Variants in RSRC1 observed in about 807,000 individuals in gnomAD.
The protein encoded by RSRC1 is arginine and serine rich coiled-coil 1.
In RSRC1, 39 loss-of-function variants were observed where a neutral mutation model predicts 49.1. That is an observed-to-expected ratio of 0.79 (90% CI 0.61 to 1.04). The LOEUF is 1.04. RSRC1 is among the 50% of genes least tolerant of loss of function. The probability of loss-of-function intolerance (pLI) is 0.00; values close to 1 mark genes in which losing one functional copy is unlikely to be tolerated. For missense variants in RSRC1, 388 were observed against 402.4 expected, an observed-to-expected ratio of 0.96 and a Z score of 0.31; for synonymous variants, 143 against 130.8, an observed-to-expected ratio of 1.09 and a Z score of -0.63.
At chr3:158,412,153 T>C (rs955936281) in intron 6 of RSRC1, among the ~76,000 whole-genome samples, 1 of 152,196 alleles carries the variant, frequency 6.6e-6, no homozygotes, top group Non-Finnish European at 1.5e-5. Context: ...TTTTTCTTTT[T>C]TTATTTTTCT....
At chr3:158,149,350 T>C (rs569508548) in intron 3 of RSRC1, among the ~76,000 whole-genome samples, 4 of 152,158 alleles carry the variant, frequency 2.6e-5, no homozygotes, top group Non-Finnish European at 5.9e-5. Context: ...ATAATTCTTA[T>C]ATGGGATGAG....
At chr3:158,328,550 G>T (rs965474287) in intron 5 of RSRC1, among the ~76,000 whole-genome samples, 1 of 152,158 alleles carries the variant, frequency 6.6e-6, no homozygotes, top group Admixed American at 6.5e-5. Context: ...TAAGAATGTT[G>T]TATATTGGCC....
chr3:158,237,220 C>A (rs552510272), intron 4 of RSRC1, among the ~76,000 whole-genome samples: 1 of 152,170 alleles, frequency 6.6e-6, no homozygotes, highest in South Asian at 2.1e-4. Flanking sequence ...CAAGTCTTTG[C>A]GGAGAGATGT....
chr3:158,297,529 G>A (rs1347598818), intron 4 of RSRC1, among the ~76,000 whole-genome samples: 1 of 151,870 alleles, frequency 6.6e-6, no homozygotes, highest in East Asian at 1.9e-4. Context: ...ATAAGATTTA[G>A]TTATTTAGCT....
At chr3:158,213,503 T>A (rs1578203626) in intron 4 of RSRC1, among the ~76,000 whole-genome samples, 1 of 151,756 alleles carries the variant, frequency 6.6e-6, no homozygotes, top group East Asian at 2.0e-4. Flanking sequence ...CTTGTGGGTA[T>A]AAACCCAAAG....
intron 6 of RSRC1, among the ~76,000 whole-genome samples, chr3:158,445,128 A>G (rs1356302616): frequency 1.3e-5 from 2 of 152,198 alleles, no homozygotes; most frequent in Non-Finnish European, 1.5e-5. Context: ...TAGAAATACC[A>G]TTTGACCCAG....
intron 3 of RSRC1, among the ~76,000 whole-genome samples, chr3:158,135,395 G>A (rs534084855): frequency 1.5e-3 from 221 of 150,684 alleles, no homozygotes; most frequent in African/African-American, 5.2e-3. Context: ...TCAGCCTCCC[G>A]AGTAGCTGGG....
At chr3:158,387,485 A>G (rs1241349440) in intron 6 of RSRC1, among the ~76,000 whole-genome samples, 2 of 152,164 alleles carry the variant, frequency 1.3e-5, no homozygotes, top group Admixed American at 6.5e-5. Flanking sequence ...TTAAATAAAA[A>G]AATTAAGTCA....
chr3:158,197,238 ATG>A (rs985985858), intron 3 of RSRC1, among the ~76,000 whole-genome samples: 32 of 152,234 alleles, frequency 2.1e-4, no homozygotes, highest in African/African-American at 7.7e-4. Flanking sequence ...GGGAGGGTGT[ATG>A]TGTCGAGGAA....
intron 6 of RSRC1, among the ~76,000 whole-genome samples, chr3:158,380,757 C>T (rs1375365518): frequency 6.6e-6 from 1 of 151,896 alleles, no homozygotes; most frequent in Non-Finnish European, 1.5e-5. Flanking sequence ...ATATTTAGTG[C>T]TTATATTTGG....
intron 4 of RSRC1, among the ~76,000 whole-genome samples, chr3:158,238,913 C>T (rs1178577370): frequency 1.3e-5 from 2 of 152,064 alleles, no homozygotes; most frequent in Admixed American, 1.3e-4. Context: ...AAGAAACTAC[C>T]ATCAGAGTCT....
At chr3:158,397,322 A>G (rs1177962057) in intron 6 of RSRC1, among the ~76,000 whole-genome samples, 1 of 152,222 alleles carries the variant, frequency 6.6e-6, no homozygotes, top group Non-Finnish European at 1.5e-5. Flanking sequence ...TCTAGCCATA[A>G]CATAGAGTAT....
intron 2 of RSRC1, among the ~76,000 whole-genome samples, chr3:158,123,430 A>G (rs1486464387): frequency 1.3e-5 from 2 of 152,206 alleles, no homozygotes; most frequent in Non-Finnish European, 2.9e-5. Context: ...AGCTAGTACT[A>G]GAGGCATGTG....
intron 4 of RSRC1, among the ~76,000 whole-genome samples, chr3:158,235,831 A>G (rs1034074221): frequency 1.3e-5 from 2 of 152,214 alleles, no homozygotes; most frequent in African/African-American, 4.8e-5. Flanking sequence ...TAGAAAAATA[A>G]ACCAGGCCAG....
chr3:158,424,787 T>A (rs1425051406), intron 6 of RSRC1, among the ~76,000 whole-genome samples: 2 of 152,194 alleles, frequency 1.3e-5, no homozygotes, highest in Non-Finnish European at 2.9e-5. Flanking sequence ...GAGATTCAAC[T>A]TCTTCCTGGC....
At chr3:158,416,316 C>T (rs959008953) in intron 6 of RSRC1, among the ~76,000 whole-genome samples, 5 of 151,984 alleles carry the variant, frequency 3.3e-5, no homozygotes, top group African/African-American at 1.2e-4. Flanking sequence ...GCCTGTGTCC[C>T]CTTCCTTTGA....
intron 5 of RSRC1, among the ~76,000 whole-genome samples, chr3:158,308,694 G>A (rs965202555): frequency 4.6e-5 from 7 of 151,860 alleles, no homozygotes; most frequent in Non-Finnish European, 1.0e-4. Flanking sequence ...TACTGTATGC[G>A]CTTAATCTTA....
chr3:158,120,879 CTAA>C (rs1302500788), intron 1 of RSRC1, among the ~76,000 whole-genome samples: 1 of 147,924 alleles, frequency 6.8e-6, no homozygotes, highest in Non-Finnish European at 1.5e-5. Context: ...TGAAAGATAA[CTAA>C]TAACTATTTT....
chr3:158,222,743 A>T (rs183300789), intron 4 of RSRC1, among the ~76,000 whole-genome samples: 1 of 151,626 alleles, frequency 6.6e-6, no homozygotes, highest in East Asian at 1.9e-4. Context: ...AATTAGCATC[A>T]TTCTTTTCTG....
Sources: gnomAD v4.1 joint callset for allele counts (sites outside exome capture counted in the v4.1 genomes callset) on GRCh38, gnomAD v4.1.1 for gene constraint, MANE v1.5 for transcripts, NCBI Gene and HGNC (gene_info 2026-07-23, HGNC 2026-07-21) for gene names.